RNF157: variants seen among roughly 807,000 people sequenced by gnomAD.
RNF157 encodes the protein ring finger protein 157, also known as E3 ubiquitin ligase RNF157.
RNF157 carries 55 observed loss-of-function variants against 88.3 expected under a neutral mutation model. That is an observed-to-expected ratio of 0.62 (90% CI 0.50 to 0.78). The LOEUF (loss-of-function observed/expected upper bound fraction) is 0.78. Among genes scored for constraint, RNF157 ranks in the 30% least tolerant of loss-of-function variants. RNF157 has a pLI of 0.00. For missense variants in RNF157, 788 were observed against 860.8 expected, an observed-to-expected ratio of 0.92 and a Z score of 1.06; for synonymous variants, 334 against 341.2, an observed-to-expected ratio of 0.98 and a Z score of 0.23.
chr17:76,165,442 G>A (rs2068907590), intron 7 of RNF157, 60 bp downstream of exon 7: 1 of 1,561,792 alleles, frequency 6.4e-7, no homozygotes, highest in Non-Finnish European at 8.8e-7. Flanking sequence ...CGGGTTACAT[G>A]TGTCTCACAC....
At chr17:76,220,805 A>C (rs1211233362) in intron 1 of RNF157, among the ~76,000 whole-genome samples, 2 of 152,138 alleles carry the variant, frequency 1.3e-5, no homozygotes, top group Non-Finnish European at 2.9e-5. Flanking sequence ...TAAAAATACA[A>C]AAATTAGCTG....
chr17:76,205,764 A>T (rs1032019569), intron 2 of RNF157, among the ~76,000 whole-genome samples: 1 of 140,386 alleles, frequency 7.1e-6, no homozygotes, highest in Admixed American at 6.8e-5. Context: ...AATAAATAAA[A>T]TAATAATGCC....
At chr17:76,173,564 T>C in intron 3 of RNF157, 138 bp downstream of exon 3, 1 of 643,548 alleles carries the variant, frequency 1.6e-6, no homozygotes, top group Non-Finnish European at 2.8e-6. Context: ...GCGCCCGCAC[T>C]CCTGTCTGAG....
Position 76,145,120 on chromosome 17 carries a change from T to C in RNF157, c.*115A>G, listed in dbSNP as rs2068564930. The C allele has an allele frequency of 3.1e-6, 2 of 653,826 alleles. No individual in the cohort carries two copies. Among genetic ancestry groups the C allele is most frequent in the Admixed American group, 2.7e-5 (1 of 36,638 alleles). 40.5% of individuals were successfully genotyped at this position (653,826 alleles called of 1,614,324 possible). ...TTGTGGTTACAGGTTGTAACAGCTG[T>C]CACAGGAGGGTAAAAAGTCTCCAGC... On this transcript the variant is annotated 3_prime_UTR_variant, in exon 19 of 19. Transcript: ENST00000269391.
intron 2 of RNF157, among the ~76,000 whole-genome samples, chr17:76,192,840 C>CT: frequency 6.9e-6 from 1 of 145,080 alleles, no homozygotes. Flanking sequence ...CACTTTCTTT[C>CT]CTTTTTTTTT....
chr17:76,181,254 C>T (rs1243372691), intron 2 of RNF157, among the ~76,000 whole-genome samples: 2 of 152,138 alleles, frequency 1.3e-5, no homozygotes, highest in Non-Finnish European at 2.9e-5. Context: ...GCAAACAGTA[C>T]TGAATTCTGT....
At chr17:76,188,986 A>T (rs2069338468) in intron 2 of RNF157, among the ~76,000 whole-genome samples, 1 of 152,238 alleles carries the variant, frequency 6.6e-6, no homozygotes, top group African/African-American at 2.4e-5. Flanking sequence ...GAAAAACCCA[A>T]ATCAAGGGAA....
chr17:76,161,593 G>A lies in RNF157; in HGVS notation c.1007C>T (p.Ser336Phe). The change falls in exon 11 of 19, where the codon TCC becomes TTC. Residue 336 changes from serine (S) to phenylalanine (F), a missense_variant. Ser to Phe is a radical substitution (Grantham distance 155, BLOSUM62 -2). Transcript: ENST00000269391. The surrounding 1 kb of genome is among the most constrained non-coding windows in gnomAD (Gnocchi z 4.6). ...GATGATGGGGTTAAAGCTGGTTGGG[G>A]ACAAGGGGCCCAATTTTTTCCTCAT... is the stretch of plus-strand genomic sequence containing the variant. ...RAMRKKLGPLSPTSFNPIISS... is the reference protein window; with the variant it reads ...RAMRKKLGPLFPTSFNPIISS... 1.2e-6 allele frequency: 2 copies of A among 1,614,140 alleles called. No homozygotes were observed. Among genetic ancestry groups the A allele is most frequent in the Non-Finnish European group, 8.5e-7 (1 of 1,180,020 alleles).
intron 18 of RNF157, among the ~76,000 whole-genome samples, chr17:76,149,064 T>C (rs2068632869): frequency 6.6e-6 from 1 of 152,020 alleles, no homozygotes; most frequent in African/African-American, 2.4e-5. Flanking sequence ...TTTATTCCTT[T>C]CAGAAGGAAT....
At chr17:76,210,332 G>A (rs944355315) in intron 2 of RNF157, among the ~76,000 whole-genome samples, 15 of 152,004 alleles carry the variant, frequency 9.9e-5, no homozygotes, top group Non-Finnish European at 8.8e-5. Context: ...AGTGGCTCAT[G>A]CCTGTAATCC....
intron 2 of RNF157, among the ~76,000 whole-genome samples, chr17:76,196,149 A>G (rs1272971773): frequency 6.6e-6 from 1 of 152,238 alleles, no homozygotes; most frequent in African/African-American, 2.4e-5. Context: ...TGCCGCCTCA[A>G]TAAAGCTGTT....
chr17:76,206,733 C>T (rs773417554), intron 2 of RNF157, among the ~76,000 whole-genome samples: 4 of 152,142 alleles, frequency 2.6e-5, no homozygotes, highest in Non-Finnish European at 5.9e-5. Flanking sequence ...TCACTGCAAT[C>T]GGCTCACTCC....
rs1031161502 is a variant in RNF157, at chr17:76,157,724, C to A, written c.1413+669G>T. ...CCAGCCAGACCTGAGCACCTAAGGG[C>A]AGGGACCACTTTATTTACCTTCCTG... On this transcript the variant is annotated intron_variant, in intron 13 of 18. Coordinates refer to ENST00000269391, the MANE Select transcript of RNF157 (RefSeq NM_052916.3). The surrounding 1 kb of genome is among the most constrained non-coding windows in gnomAD (Gnocchi z 5.6). Among the ~76,000 whole-genome samples the A allele has an allele frequency of 6.6e-6, 1 of 152,206 alleles. No homozygotes were observed. Among genetic ancestry groups the A allele is most frequent in the African/African-American group, 2.4e-5 (1 of 41,456 alleles).
In RNF157 at chr17:76,238,056, C is replaced by G. The variant is rs185142118; in HGVS notation, c.88+2097G>C. ...CCAATATTGCACCACTTCATTCCAG[C>G]CTGGGCGTGACAGAGAGAGACGATG... On this transcript the variant is annotated intron_variant, in intron 1 of 18. Coordinates refer to ENST00000269391, the MANE Select transcript of RNF157 (RefSeq NM_052916.3). Among the ~76,000 whole-genome samples, 252 of 151,380 alleles carry G rather than the reference C, an allele frequency of 1.7e-3. 2 individuals carry two copies. The highest frequency in any genetic ancestry group is 5.7e-3 in the African/African-American group (233 of 41,114).
rs763056397 is a variant in RNF157 at position 76,155,330 on chromosome 17, A to C, written c.1699-13T>G. On this transcript the variant is annotated splice_polypyrimidine_tract_variant and intron_variant, in intron 15 of 18. Coordinates refer to ENST00000269391, the MANE Select transcript of RNF157 (RefSeq NM_052916.3). The stretch of plus-strand genomic sequence containing the variant: ...CCGCTGGCAGCCCCTGCAGAAGAGC[A>C]CAGTTTTTACAGGCTCTTCCATAAA... The C allele has an allele frequency of 2.0e-5, 32 of 1,612,684 alleles. No individual in the cohort carries two copies. Among genetic ancestry groups the C allele is most frequent in the Non-Finnish European group, 2.7e-5 (32 of 1,178,772 alleles).
intron 2 of RNF157, among the ~76,000 whole-genome samples, chr17:76,178,742 G>A (rs2069143483): frequency 1.3e-5 from 2 of 152,108 alleles, no homozygotes; most frequent in Admixed American, 1.3e-4. Context: ...CATTTTTGCA[G>A]GTAAGAAAAC....
chr17:76,194,978 G>A (rs184762696), intron 2 of RNF157, among the ~76,000 whole-genome samples: 7 of 152,252 alleles, frequency 4.6e-5, no homozygotes, highest in African/African-American at 1.7e-4. Context: ...TAGCACCACT[G>A]CACTCCAGCC....
intron 1 of RNF157, among the ~76,000 whole-genome samples, chr17:76,230,072 T>G (rs2070161195): frequency 6.6e-6 from 1 of 152,154 alleles, no homozygotes; most frequent in South Asian, 2.1e-4. Flanking sequence ...AATGGATTTT[T>G]TTGGAGAAAC....
In RNF157 at chr17:76,240,098, A is replaced by AACCCTG; in HGVS notation, c.88+54_88+55insCAGGGT. ...GCCCCCTCAGGCCGTCCCGACCCAG[A>AACCCTG]CCCCTGCCCCTGCCCCTCTCCCTCC... On this transcript the variant is annotated intron_variant, in intron 1 of 18. Transcript: ENST00000269391. The surrounding 1 kb of genome is among the most constrained non-coding windows in gnomAD (Gnocchi z 4.4). 1 of 1,109,546 alleles carries AACCCTG rather than the reference A, an allele frequency of 9.0e-7. No individual in the cohort carries two copies. The highest frequency in any genetic ancestry group is 3.4e-5 in the East Asian group (1 of 29,394). 68.7% of individuals were successfully genotyped at this position (1,109,546 alleles called of 1,614,324 possible).
Sources: allele counts gnomAD v4.1 joint callset (sites outside exome capture counted in the v4.1 genomes callset), GRCh38; gene constraint gnomAD v4.1.1; non-coding constraint Gnocchi (gnomAD v3.1); transcripts MANE v1.5; gene names NCBI Gene and HGNC (gene_info 2026-07-23, HGNC 2026-07-21).